The following PVALB variants were observed in gnomAD, a reference collection of about 807,000 sequenced individuals.
PVALB encodes parvalbumin.
PVALB carries 11 observed loss-of-function variants against 10.9 expected under a neutral mutation model. The ratio of observed to expected loss-of-function variants is 1.01; its 90% CI spans 0.63 to 1.67. The LOEUF is 1.67. PVALB is among the 40% of genes most tolerant of loss of function. The probability of loss-of-function intolerance (pLI) is 0.00; values close to 1 mark genes in which losing one functional copy is unlikely to be tolerated. For missense variants in PVALB, 131 were observed against 136.2 expected (o/e 0.96, Z 0.19); for synonymous variants, 57 against 50.7 (o/e 1.12, Z -0.53).
chr22:36,807,472 C>T (rs1938970055), intron 3 of PVALB, among the ~76,000 whole-genome samples: 1 of 152,188 alleles, frequency 6.6e-6, no homozygotes, highest in African/African-American at 2.4e-5. Context: ...GGCAAATTCT[C>T]CTTCTATCTC....
chr22:36,802,538 T>C (rs900194844), intron 3 of PVALB, among the ~76,000 whole-genome samples: 4 of 137,896 alleles, frequency 2.9e-5, no homozygotes, highest in African/African-American at 1.1e-4. Context: ...GAGGCAGAGG[T>C]TGCAGTGAGC....
intron 3 of PVALB, among the ~76,000 whole-genome samples, chr22:36,809,944 G>T (rs1271580766): frequency 6.6e-6 from 1 of 151,534 alleles, no homozygotes; most frequent in East Asian, 1.9e-4. Context: ...GAGTGCAGTG[G>T]TGTGATCTTG....
intron 3 of PVALB, chr22:36,813,320 TG>T (rs1939074914): frequency 4.0e-6 from 1 of 251,918 alleles, no homozygotes; most frequent in Non-Finnish European, 7.7e-6. Context: ...ACAGCCAGTT[TG>T]GGCAGAGGTT....
At position 36,812,033 on chromosome 22, in the gene PVALB, CAA is replaced by C. The variant is rs112621960; in HGVS notation, c.304+1611_304+1612del. The stretch of plus-strand genomic sequence containing the variant: ...GAAAAGAAATCAACAACAACAACAA[CAA>C]AAAAAACCCTCTAACTCATAGGCAT... On this transcript the variant is annotated intron_variant, in intron 3 of 3. Transcript: ENST00000417718. 8.8e-3 allele frequency among the ~76,000 whole-genome samples: 1,342 copies of C among 151,934 alleles called. 19 individuals are homozygous for C. Among genetic ancestry groups the C allele is most frequent in the African/African-American group, 0.03 (1,234 of 41,430 alleles).
chr22:36,801,194 CAAT>C (rs747009213), intron 3 of PVALB, among the ~76,000 whole-genome samples: 1 of 152,032 alleles, frequency 6.6e-6, no homozygotes, highest in South Asian at 2.1e-4. Context: ...ATAACAATAG[CAAT>C]AATAATAATA....
intron 3 of PVALB, among the ~76,000 whole-genome samples, chr22:36,813,247 A>C (rs1408248479): frequency 6.6e-6 from 1 of 152,130 alleles, no homozygotes; most frequent in African/African-American, 2.4e-5. Context: ...AGTCGGCCTC[A>C]TTTCGTTGGA....
intron 1 of PVALB, among the ~76,000 whole-genome samples, chr22:36,816,613 C>T (rs1391807268): frequency 6.6e-6 from 1 of 152,216 alleles, no homozygotes; most frequent in Non-Finnish European, 1.5e-5. Context: ...CCAGAGAGCT[C>T]GTACAAGGAC....
At chr22:36,817,372 G>C, upstream of PVALB, 1 of 177,662 alleles carries the variant, frequency 5.6e-6, no homozygotes, top group Non-Finnish European at 1.2e-5. Context: ...TCAAGGACAC[G>C]CAGGAGGTGC....
At chr22:36,802,683 C>T (rs1938888150) in intron 3 of PVALB, among the ~76,000 whole-genome samples, 1 of 151,626 alleles carries the variant, frequency 6.6e-6, no homozygotes, top group Non-Finnish European at 1.5e-5. Flanking sequence ...ACCTGGGTGC[C>T]TCACCTTCCT....
At chr22:36,807,393 C>T (rs1200655689) in intron 3 of PVALB, among the ~76,000 whole-genome samples, 1 of 152,216 alleles carries the variant, frequency 6.6e-6, no homozygotes, top group African/African-American at 2.4e-5. Flanking sequence ...TAGCCTTGAT[C>T]TGAGCATCCT....
intron 1 of PVALB, chr22:36,815,455 G>A: frequency 1.7e-6 from 1 of 588,680 alleles, no homozygotes; most frequent in Non-Finnish European, 2.9e-6. Flanking sequence ...CTCAAACCCA[G>A]ACCTCCCTGG....
chr22:36,811,105 G>A (rs1047386789), intron 3 of PVALB, among the ~76,000 whole-genome samples: 2 of 152,042 alleles, frequency 1.3e-5, no homozygotes, highest in African/African-American at 4.8e-5. Flanking sequence ...GTGAAACCTC[G>A]TCTCTACTAA....
At chr22:36,817,120 G>T, upstream of PVALB, 1 of 1,003,056 alleles carries the variant, frequency 1.0e-6, no homozygotes, top group Non-Finnish European at 1.4e-6. Context: ...CACGCCCGCC[G>T]GGCCTGGCAT....
intron 3 of PVALB, among the ~76,000 whole-genome samples, chr22:36,803,300 C>G (rs935031343): frequency 6.6e-6 from 1 of 152,210 alleles, no homozygotes; most frequent in Non-Finnish European, 1.5e-5. Context: ...ATATCACCAT[C>G]CCATCGCATT....
At chr22:36,813,393 G>T (rs1219501215) in intron 3 of PVALB, 3 of 462,624 alleles carry the variant, frequency 6.5e-6, no homozygotes, top group Non-Finnish European at 1.2e-5. Context: ...AAATCCTCCT[G>T]GATCCCCTAC....
At chr22:36,800,945 G>C (rs1457472049) in intron 3 of PVALB, 27 bp from the exon 4 acceptor site, 1 of 1,603,346 alleles carries the variant, frequency 6.2e-7, no homozygotes, top group Admixed American at 1.7e-5. Context: ...CAAGGAAAGT[G>C]AGTCAGAGGC....
Position 36,806,952 on chromosome 22 carries a change from C to A in PVALB, c.305-6034G>T, listed in dbSNP as rs562013433. Among the ~76,000 whole-genome samples the A allele has an allele frequency of 2.6e-5, 4 of 152,238 alleles. No homozygotes were observed. In the East Asian group the frequency reaches 7.7e-4, roughly 29 times the overall value. On this transcript the variant is annotated intron_variant, in intron 3 of 3. Transcript: ENST00000417718. ...TGACTCAAGCTGCAACCCCCAGAGG[C>A]AGAAGGAGAGGGATGCATGGAGGGG...
At chr22:36,811,441 A>G in intron 3 of PVALB, 2 of 470,446 alleles carry the variant, frequency 4.3e-6, no homozygotes, top group East Asian at 1.4e-4. Flanking sequence ...GCTCAGGGGC[A>G]CCCAGTCAGG....
intron 1 of PVALB, 35 bp from the exon 2 acceptor site, chr22:36,815,270 G>A (rs2145954607): frequency 6.2e-7 from 1 of 1,613,688 alleles, no homozygotes; most frequent in Non-Finnish European, 8.5e-7. Context: ...ACAAGGACCA[G>A]AAAGGCTGGT....
Sources: gnomAD v4.1 joint callset for allele counts (sites outside exome capture counted in the v4.1 genomes callset) on GRCh38, gnomAD v4.1.1 for gene constraint, MANE v1.5 for transcripts, NCBI Gene and HGNC (gene_info 2026-07-23, HGNC 2026-07-21) for gene names.